Variants in OSBPL9 observed in about 807,000 individuals in gnomAD.
The protein encoded by OSBPL9 is oxysterol-binding protein-related protein 9.
In OSBPL9, 40 loss-of-function variants were observed where a neutral mutation model predicts 106.6. The observed-to-expected ratio is 0.38, with a 90% CI of 0.29 to 0.49. The LOEUF is 0.49. Among genes scored for constraint, OSBPL9 ranks in the 20% least tolerant of loss-of-function variants. OSBPL9 has a pLI of 0.97. For synonymous variants in OSBPL9, 269 were observed against 295.4 expected (o/e 0.91, Z 0.92); for missense variants, 609 against 887.2 (o/e 0.69, Z 3.98).
chr1:51,627,064 G>A (rs148393176), intron 1 of OSBPL9, among the ~76,000 whole-genome samples: 2 of 152,236 alleles, frequency 1.3e-5, no homozygotes, highest in African/African-American at 4.8e-5. Flanking sequence ...GAGTGCAGTG[G>A]CACAATCATA....
In OSBPL9 at chr1:51,723,986, G is replaced by A. The variant is rs77599308; in HGVS notation, c.318+9907G>A. 5.9e-5 allele frequency among the ~76,000 whole-genome samples: 9 copies of A among 152,022 alleles called. No homozygotes were observed. The East Asian group carries it at 1.4e-3, about 23-fold the overall frequency. Reference sequence around the variant, plus strand: ...TATTTGGAGACAGTCTCGCTATGTCGCCCAGGCTGCCATACAGTGGTGCCA... The same window carrying A: ...TATTTGGAGACAGTCTCGCTATGTCACCCAGGCTGCCATACAGTGGTGCCA... On this transcript the variant is annotated intron_variant, in intron 4 of 23. Coordinates refer to ENST00000428468, the MANE Select transcript of OSBPL9 (RefSeq NM_024586.6).
the OSBPL9 span, among the ~76,000 whole-genome samples, chr1:51,541,886 C>A: frequency 6.7e-6 from 1 of 149,722 alleles, no homozygotes; most frequent in African/African-American, 2.5e-5. Context: ...ATTTACCCAG[C>A]CTTTTTTTTT....
chr1:51,752,194 A>G (rs1283891712), intron 8 of OSBPL9, among the ~76,000 whole-genome samples: 4 of 151,970 alleles, frequency 2.6e-5, no homozygotes, highest in Non-Finnish European at 5.9e-5. Context: ...CATTCCAGTA[A>G]CATTGGCTCA....
the OSBPL9 span, among the ~76,000 whole-genome samples, chr1:51,564,069 A>AAAAAAAAAAAAC: frequency 6.7e-6 from 1 of 148,782 alleles, no homozygotes; most frequent in Non-Finnish European, 1.5e-5. Flanking sequence ...AAAAAAAAAA[A>AAAAAAAAAAAAC]AGAAAGCAAG....
At chr1:51,586,518 G>C (rs1645248955) in intron 1 of OSBPL9, among the ~76,000 whole-genome samples, 1 of 152,120 alleles carries the variant, frequency 6.6e-6, no homozygotes, top group Admixed American at 6.5e-5. Flanking sequence ...TGATTTATAT[G>C]TTACATATGC....
intron 4 of OSBPL9, 45 bp downstream of exon 4, chr1:51,714,124 T>C: frequency 2.1e-6 from 3 of 1,431,912 alleles, no homozygotes; most frequent in Non-Finnish European, 2.9e-6. Context: ...TAGTTGTTGC[T>C]TTCTTTTTTT....
At chr1:51,559,103 T>C in the OSBPL9 span, among the ~76,000 whole-genome samples, 152 of 152,190 alleles carry the variant, frequency 1.0e-3, no homozygotes, top group Non-Finnish European at 1.9e-3. Context: ...AAGTTGACCA[T>C]CTTACTAGGC....
chr1:51,759,114 T>G (rs1324895227), intron 9 of OSBPL9, among the ~76,000 whole-genome samples: 3 of 151,870 alleles, frequency 2.0e-5, no homozygotes, highest in Non-Finnish European at 2.9e-5. Flanking sequence ...CTTAGTTGTT[T>G]TTTTTTTTAA....
intron 3 of OSBPL9, among the ~76,000 whole-genome samples, chr1:51,679,158 C>T (rs1012753018): frequency 1.7e-4 from 26 of 152,100 alleles, no homozygotes; most frequent in African/African-American, 5.8e-4. Flanking sequence ...TGAGGAGGGT[C>T]GGACTTCACT....
At position 51,784,013 on chromosome 1, in the gene OSBPL9, A is replaced by G; in HGVS notation, c.1612A>G (p.Asn538Asp). The G allele has an allele frequency of 6.2e-7, 1 of 1,610,396 alleles. No individual in the cohort carries two copies. Among genetic ancestry groups the G allele is most frequent in the Non-Finnish European group, 8.5e-7 (1 of 1,176,782 alleles). ...CCTTGGGATGTCAATTGGGGTGCAC[A>G]ACATAGGGCAGGGTAAGTGTGTTGG... The part of the protein sequence containing the change: ...KFLGMSIGVH[N>D]IGQGCVSCLD... Residue 538 changes from asparagine (N) to aspartate (D), a missense_variant, in exon 18 of 24, where the codon AAC (asparagine) becomes GAC (aspartate). Around this residue, in one of 5 missense-constraint regions of OSBPL9, gnomAD observed 356 missense variants for 505.8 expected, o/e 0.70. Transcript: ENST00000428468.
intron 4 of OSBPL9, among the ~76,000 whole-genome samples, chr1:51,744,935 A>G (rs538356149): frequency 4.2e-4 from 64 of 152,342 alleles, no homozygotes; most frequent in African/African-American, 1.3e-3. Flanking sequence ...TGTAGTGTTC[A>G]TGCCAAGGGT....
At chr1:51,762,639 C>T (rs1671764297) in intron 11 of OSBPL9, among the ~76,000 whole-genome samples, 1 of 152,184 alleles carries the variant, frequency 6.6e-6, no homozygotes, top group South Asian at 2.1e-4. Flanking sequence ...CTTTACTCTC[C>T]CCCCAGTAAT....
intron 4 of OSBPL9, among the ~76,000 whole-genome samples, chr1:51,716,728 C>T (rs1661118247): frequency 6.6e-6 from 1 of 152,168 alleles, no homozygotes; most frequent in Admixed American, 6.5e-5. Context: ...GTATAACATA[C>T]TGTCTGTTAG....
At chr1:51,782,018 T>C (rs1676500473) in intron 16 of OSBPL9, among the ~76,000 whole-genome samples, 1 of 152,020 alleles carries the variant, frequency 6.6e-6, no homozygotes, top group African/African-American at 2.4e-5. Context: ...AGCTCTAGGA[T>C]TGGATAAAAT....
chr1:51,656,980 A>G (rs943867225), intron 2 of OSBPL9, among the ~76,000 whole-genome samples: 4 of 151,960 alleles, frequency 2.6e-5, no homozygotes, highest in African/African-American at 4.8e-5. Context: ...TGCCTGGCCT[A>G]TTTTTTTACA....
At chr1:51,711,616 C>A (rs1452466710) in intron 3 of OSBPL9, among the ~76,000 whole-genome samples, 26 of 135,296 alleles carry the variant, frequency 1.9e-4, no homozygotes, top group Admixed American at 5.7e-4. Context: ...ACTTCTCAGA[C>A]GGGGCAGCTG....
intron 4 of OSBPL9, among the ~76,000 whole-genome samples, chr1:51,728,587 G>T (rs1162527163): frequency 2.0e-5 from 3 of 152,196 alleles, no homozygotes; most frequent in Non-Finnish European, 4.4e-5. Context: ...TGGGTAGGGG[G>T]AAGGGGAGAG....
intron 11 of OSBPL9, 65 bp downstream of exon 11, chr1:51,762,036 C>A: frequency 8.5e-7 from 1 of 1,175,670 alleles, no homozygotes; most frequent in Non-Finnish European, 1.3e-6. Flanking sequence ...TGTTTGTGAC[C>A]TCTGATGAGG....
the OSBPL9 span, among the ~76,000 whole-genome samples, chr1:51,556,485 A>AG: frequency 2.6e-5 from 4 of 152,186 alleles, no homozygotes; most frequent in African/African-American, 9.6e-5. Context: ...GTGAGAGTGG[A>AG]GCTGGGGGTA....
Sources: allele counts gnomAD v4.1 joint callset (sites outside exome capture counted in the v4.1 genomes callset), GRCh38; gene constraint gnomAD v4.1.1; regional missense constraint gnomAD v4.1.1; transcripts MANE v1.5; gene names NCBI Gene and HGNC (gene_info 2026-07-23, HGNC 2026-07-21).